Variants in EYS observed in about 807,000 individuals in gnomAD.
EYS encodes the protein protein eyes shut homolog.
EYS carries 250 observed loss-of-function variants against 282.1 expected under a neutral mutation model. The observed-to-expected ratio is 0.89, with a 90% confidence interval of 0.80 to 0.98. EYS has a LOEUF of 0.98. Ranked by LOEUF, EYS falls within the 50% of genes least tolerant of loss-of-function variation. The probability of loss-of-function intolerance (pLI) is 0.00; values close to 1 mark genes in which losing one functional copy is unlikely to be tolerated. For synonymous variants in EYS, 1,355 were observed against 1,282.9 expected (o/e 1.06, Z -1.20); for missense variants, 4,016 against 3,709.0 (o/e 1.08, Z -2.15).
At chr6:63,864,100 G>T in intron 36 of EYS, 86 bp downstream of exon 36, 2 of 1,244,880 alleles carry the variant, frequency 1.6e-6, no homozygotes, top group East Asian at 2.7e-5. Flanking sequence ...GATCAGTCAA[G>T]TGCTATCCTT....
chr6:63,890,556 A>G (rs1773381032), intron 35 of EYS, among the ~76,000 whole-genome samples: 1 of 152,190 alleles, frequency 6.6e-6, no homozygotes, highest in Admixed American at 6.5e-5. Flanking sequence ...ATGAGAATAA[A>G]GACACACTGT....
chr6:63,782,176 A>G (rs1373196417), intron 39 of EYS, among the ~76,000 whole-genome samples: 4 of 152,186 alleles, frequency 2.6e-5, no homozygotes, highest in African/African-American at 9.7e-5. Flanking sequence ...GGATTTTTGC[A>G]TTGATGTTTA....
intron 26 of EYS, among the ~76,000 whole-genome samples, chr6:64,548,610 T>C (rs4304143): frequency 0.013 from 1,898 of 151,708 alleles, 40 homozygotes; most frequent in African/African-American, 0.043. Context: ...TTCTCACTCA[T>C]AGGTGGGAAT....
chr6:63,958,746 C>T (rs1388707549), intron 35 of EYS, among the ~76,000 whole-genome samples: 3 of 152,192 alleles, frequency 2.0e-5, no homozygotes, highest in African/African-American at 7.2e-5. Context: ...GAAGTCAGTG[C>T]TCACTTACCA....
chr6:65,051,813 T>G (rs1773277843), intron 13 of EYS, among the ~76,000 whole-genome samples: 1 of 151,586 alleles, frequency 6.6e-6, no homozygotes, highest in African/African-American at 2.4e-5. Flanking sequence ...AGTTGAATCA[T>G]ACCTTTCTGT....
At chr6:63,855,886 C>T (rs1182229731) in intron 36 of EYS, among the ~76,000 whole-genome samples, 17 of 151,696 alleles carry the variant, frequency 1.1e-4, no homozygotes, top group Admixed American at 1.1e-3. Flanking sequence ...GATGAAGGGA[C>T]AAAATATTAG....
chr6:65,619,765 G>T (rs532058884), intron 2 of EYS, among the ~76,000 whole-genome samples: 84 of 151,214 alleles, frequency 5.6e-4, no homozygotes, highest in African/African-American at 1.9e-3. Context: ...TAGCATGAAG[G>T]GTTGTTGAAT....
intron 15 of EYS, among the ~76,000 whole-genome samples, chr6:64,916,157 C>T (rs2150078756): frequency 6.6e-6 from 1 of 152,242 alleles, no homozygotes; most frequent in Admixed American, 6.5e-5. Flanking sequence ...ATCATGGTTA[C>T]ACAGGTCCTG....
At chr6:65,559,213 T>C (rs1768936492) in intron 2 of EYS, among the ~76,000 whole-genome samples, 2 of 152,000 alleles carry the variant, frequency 1.3e-5, no homozygotes, top group African/African-American at 2.4e-5. Flanking sequence ...CAAAACCCCA[T>C]TTCTGCTAAA....
chr6:65,105,276 A>G (rs1012547980), intron 12 of EYS, among the ~76,000 whole-genome samples: 1 of 151,372 alleles, frequency 6.6e-6, no homozygotes, highest in Non-Finnish European at 1.5e-5. Flanking sequence ...CAATTTCTTC[A>G]GTCTTCTACT....
intron 2 of EYS, among the ~76,000 whole-genome samples, chr6:65,579,788 G>A (rs1281806061): frequency 6.6e-6 from 1 of 152,068 alleles, no homozygotes; most frequent in East Asian, 1.9e-4. Context: ...GGTAAATGTT[G>A]CAACATATGA....
At chr6:64,692,969 T>G (rs1770439937) in intron 22 of EYS, among the ~76,000 whole-genome samples, 1 of 130,886 alleles carries the variant, frequency 7.6e-6, no homozygotes, top group Non-Finnish European at 1.6e-5. Flanking sequence ...TTGGTTTGGC[T>G]GCTTGGGCTT....
intron 35 of EYS, among the ~76,000 whole-genome samples, chr6:63,941,964 T>G (rs1765256246): frequency 6.6e-6 from 1 of 152,218 alleles, no homozygotes; most frequent in Non-Finnish European, 1.5e-5. Context: ...AAAGTTCTTT[T>G]GATTTTGAAC....
Position 65,402,605 on chromosome 6 carries a change from C to T in EYS, c.1057G>A (p.Asp353Asn), listed in dbSNP as rs768576401. 1 of 1,568,872 alleles carries T rather than the reference C, an allele frequency of 6.4e-7. No individual in the cohort carries two copies. The highest frequency in any genetic ancestry group is 8.8e-7 in the Non-Finnish European group (1 of 1,140,978). ...ATTGGTGAACAGATGCACATAACAT[C>T]CTAGGAAAGATTAAAAAAATATTTT... The part of the protein sequence containing the change: ...NGTDCIKISN[D>N]VMCICSPIFT... The change falls in exon 7 of 43, where the codon GAT becomes AAT. Residue 353 changes from aspartate (D) to asparagine (N), a missense_variant and splice_region_variant. Physicochemically the swap from Asp to Asn is conservative, Grantham distance 23. Coordinates refer to ENST00000503581, the MANE Select transcript of EYS (RefSeq NM_001142800.2).
At chr6:65,636,808 T>G (rs924208483) in intron 2 of EYS, among the ~76,000 whole-genome samples, 2 of 152,170 alleles carry the variant, frequency 1.3e-5, no homozygotes, top group African/African-American at 2.4e-5. Context: ...CTTTTATTTA[T>G]TTAGTTATTT....
At chr6:65,608,788 G>A (rs1382305954) in intron 2 of EYS, among the ~76,000 whole-genome samples, 1 of 151,744 alleles carries the variant, frequency 6.6e-6, no homozygotes, top group African/African-American at 2.4e-5. Context: ...AAACTTTCTT[G>A]TTAAAAACTA....
intron 35 of EYS, among the ~76,000 whole-genome samples, chr6:63,922,352 C>G (rs1248506383): frequency 1.3e-5 from 2 of 152,272 alleles, no homozygotes; most frequent in East Asian, 3.9e-4. Context: ...CTCTTGAAGT[C>G]AGGAGTTCAA....
chr6:63,830,973 A>G (rs1771616616), intron 36 of EYS, among the ~76,000 whole-genome samples: 3 of 152,236 alleles, frequency 2.0e-5, no homozygotes, highest in African/African-American at 7.2e-5. Context: ...ACTAAGCTTC[A>G]TAAGTGAAGG....
chr6:64,919,376 G>C (rs920090780), intron 15 of EYS, among the ~76,000 whole-genome samples: 2 of 149,710 alleles, frequency 1.3e-5, no homozygotes, highest in Non-Finnish European at 1.5e-5. Flanking sequence ...CACCATGTTG[G>C]TCAGGCTGGG....
Sources: allele counts gnomAD v4.1 joint callset (sites outside exome capture counted in the v4.1 genomes callset), GRCh38; gene constraint gnomAD v4.1.1; transcripts MANE v1.5; gene names NCBI Gene and HGNC (gene_info 2026-07-23, HGNC 2026-07-21).